Variants in FGF14 observed in about 807,000 individuals in gnomAD.
The protein encoded by FGF14 is fibroblast growth factor homologous factor 4.
In FGF14, 5 loss-of-function variants were observed where a neutral mutation model predicts 25.5. The observed-to-expected ratio is 0.20, with a 90% CI of 0.10 to 0.41. The LOEUF (loss-of-function observed/expected upper bound fraction) is 0.41, where lower values mean the gene tolerates loss of function less well. Ranked by LOEUF, FGF14 falls within the 10% of genes least tolerant of loss-of-function variation. FGF14 has a pLI of 1.00. For synonymous variants in FGF14, 138 were observed against 118.3 expected (o/e 1.17, Z -1.08); for missense variants, 222 against 320.1 (o/e 0.69, Z 2.34).
chr13:102,179,707 A>G (rs1024540926), intron 1 of FGF14, among the ~76,000 whole-genome samples: 4 of 152,154 alleles, frequency 2.6e-5, no homozygotes, highest in Non-Finnish European at 5.9e-5. Flanking sequence ...GGTTCCAAAG[A>G]CCACATTCTT....
chr13:102,076,759 A>G (rs2043381451), intron 1 of FGF14, among the ~76,000 whole-genome samples: 1 of 152,166 alleles, frequency 6.6e-6, no homozygotes, highest in African/African-American at 2.4e-5. Context: ...TCACAGAAAT[A>G]TCCAAAAAAA....
chr13:102,279,162 C>T (rs1372718434), intron 1 of FGF14, among the ~76,000 whole-genome samples: 1 of 152,086 alleles, frequency 6.6e-6, no homozygotes, highest in African/African-American at 2.4e-5. Context: ...ATATTTTCTT[C>T]CAAACCTCTC....
chr13:101,977,244 T>C (rs2037982288), intron 1 of FGF14, among the ~76,000 whole-genome samples: 1 of 152,140 alleles, frequency 6.6e-6, no homozygotes, highest in African/African-American at 2.4e-5. Flanking sequence ...GAATCCTGAC[T>C]TGTACTTCAT....
chr13:101,757,284 G>T (rs188836006), intron 3 of FGF14, among the ~76,000 whole-genome samples: 2 of 152,140 alleles, frequency 1.3e-5, no homozygotes, highest in Admixed American at 1.3e-4. Flanking sequence ...TTGTTTTTAT[G>T]AAACAAATTT....
At chr13:101,995,050 C>T (rs1017254947) in intron 1 of FGF14, among the ~76,000 whole-genome samples, 3 of 152,058 alleles carry the variant, frequency 2.0e-5, no homozygotes, top group African/African-American at 7.2e-5. Flanking sequence ...TAAATTATTT[C>T]TTAACCACAG....
At chr13:102,396,699 A>G (rs1420948807) in intron 1 of FGF14, among the ~76,000 whole-genome samples, 2 of 152,242 alleles carry the variant, frequency 1.3e-5, no homozygotes, top group Non-Finnish European at 2.9e-5. Flanking sequence ...AGATGAGAAC[A>G]AGTTGTACAG....
At chr13:102,223,653 G>T (rs1260469668) in intron 1 of FGF14, among the ~76,000 whole-genome samples, 1 of 152,086 alleles carries the variant, frequency 6.6e-6, no homozygotes, top group Non-Finnish European at 1.5e-5. Context: ...AATCAACAGG[G>T]TCTTTGCCTA....
At chr13:102,343,412 C>T (rs2057012472) in intron 1 of FGF14, among the ~76,000 whole-genome samples, 1 of 152,158 alleles carries the variant, frequency 6.6e-6, no homozygotes, top group Non-Finnish European at 1.5e-5. Flanking sequence ...GCACTGTGAG[C>T]TGCTCCCTTA....
At chr13:102,288,997 G>A (rs1474811343) in intron 1 of FGF14, among the ~76,000 whole-genome samples, 1 of 151,642 alleles carries the variant, frequency 6.6e-6, no homozygotes, top group East Asian at 1.9e-4. Flanking sequence ...GCCAAGGTTA[G>A]CCAATGAAAG....
chr13:102,097,443 G>A (rs1167101406), intron 1 of FGF14, among the ~76,000 whole-genome samples: 1 of 152,072 alleles, frequency 6.6e-6, no homozygotes, highest in African/African-American at 2.4e-5. Flanking sequence ...GAAGTATTTT[G>A]CCTACTTGAT....
chr13:102,241,335 C>G (rs1466490814), intron 1 of FGF14, among the ~76,000 whole-genome samples: 1 of 152,128 alleles, frequency 6.6e-6, no homozygotes, highest in African/African-American at 2.4e-5. Context: ...TATCCCTTTA[C>G]CCTAGTATAA....
intron 1 of FGF14, among the ~76,000 whole-genome samples, chr13:102,118,001 A>C (rs184979588): frequency 8.7e-4 from 133 of 152,280 alleles, no homozygotes; most frequent in African/African-American, 2.9e-3. Flanking sequence ...TTAAATAAAA[A>C]ACTACAATAA....
chr13:102,395,697 A>T (rs752719486), intron 1 of FGF14: 1 of 152,224 alleles, frequency 6.6e-6, no homozygotes, highest in Non-Finnish European at 1.5e-5. Flanking sequence ...AAGTGTATTG[A>T]AAACCTACCA....
chr13:102,009,603 T>C (rs1042971767), intron 1 of FGF14, among the ~76,000 whole-genome samples: 10 of 152,150 alleles, frequency 6.6e-5, no homozygotes, highest in African/African-American at 2.4e-4. Flanking sequence ...TACACCAATT[T>C]AAACATCCAC....
At chr13:101,993,091 A>C (rs578245105) in intron 1 of FGF14, among the ~76,000 whole-genome samples, 1 of 151,980 alleles carries the variant, frequency 6.6e-6, no homozygotes, top group African/African-American at 2.4e-5. Context: ...GTGGGGAAAA[A>C]CCTTACATAT....
At chr13:101,926,327 A>G (rs1480919442) in intron 1 of FGF14, among the ~76,000 whole-genome samples, 3 of 152,094 alleles carry the variant, frequency 2.0e-5, no homozygotes, top group African/African-American at 7.2e-5. Context: ...TACCAACATA[A>G]TTTTTTAAAC....
chr13:102,144,862 A>C (rs1244866954), intron 1 of FGF14, among the ~76,000 whole-genome samples: 1 of 152,216 alleles, frequency 6.6e-6, no homozygotes, highest in African/African-American at 2.4e-5. Context: ...CAAATGCAAC[A>C]GATTCTAAAA....
intron 1 of FGF14, among the ~76,000 whole-genome samples, chr13:102,374,341 A>C (rs1293668310): frequency 6.6e-6 from 1 of 151,774 alleles, no homozygotes; most frequent in African/African-American, 2.4e-5. Context: ...TACCCACAAA[A>C]ATGTGGGTAC....
chr13:102,401,728 T>G, exon 1 of FGF14: 1 of 1,499,568 alleles, frequency 6.7e-7, no homozygotes, highest in East Asian at 2.3e-5. Flanking sequence ...TCCCCTCACG[T>G]GGTATATTTC....
Sources: gnomAD v4.1 joint callset for allele counts (sites outside exome capture counted in the v4.1 genomes callset) on GRCh38, gnomAD v4.1.1 for gene constraint, MANE v1.5 for transcripts, NCBI Gene and HGNC (gene_info 2026-07-23, HGNC 2026-07-21) for gene names.